The following MAGI2 variants were observed in gnomAD, a reference collection of about 807,000 sequenced individuals.
MAGI2 encodes membrane associated guanylate kinase, WW and PDZ domain containing 2.
A neutral mutation model predicts 133.3 loss-of-function variants in MAGI2; 35 were observed. The ratio of observed to expected loss-of-function variants is 0.26; its 90% CI spans 0.20 to 0.35. The LOEUF is 0.35. MAGI2 is among the 10% of genes least tolerant of loss of function. The pLI is 1.00. For synonymous variants in MAGI2, 729 were observed against 710.6 expected (o/e 1.03, Z -0.41); for missense variants, 1,636 against 1,863.4 (o/e 0.88, Z 2.25).
At chr7:79,025,084 C>T (rs1809742357) in intron 1 of MAGI2, among the ~76,000 whole-genome samples, 1 of 152,044 alleles carries the variant, frequency 6.6e-6, no homozygotes, top group Admixed American at 6.6e-5. Flanking sequence ...TTCACAATAG[C>T]AAAGACATGG....
At chr7:79,359,692 A>G (rs1242129002) in intron 1 of MAGI2, among the ~76,000 whole-genome samples, 1 of 151,544 alleles carries the variant, frequency 6.6e-6, no homozygotes, top group Non-Finnish European at 1.5e-5. Context: ...ACACACACAC[A>G]CACACACACA....
chr7:79,077,198 C>T (rs960848504), intron 1 of MAGI2, among the ~76,000 whole-genome samples: 8 of 152,116 alleles, frequency 5.3e-5, no homozygotes, highest in African/African-American at 1.9e-4. Flanking sequence ...GTTCCTATTT[C>T]CTAGCCCCCA....
At chr7:79,008,417 T>C (rs1807690155) in intron 1 of MAGI2, among the ~76,000 whole-genome samples, 1 of 152,156 alleles carries the variant, frequency 6.6e-6, no homozygotes, top group South Asian at 2.1e-4. Context: ...ATCATTTCAG[T>C]TGCCTCCTAA....
intron 2 of MAGI2, among the ~76,000 whole-genome samples, chr7:78,765,824 G>C (rs780675661): frequency 6.6e-6 from 1 of 152,026 alleles, no homozygotes; most frequent in Non-Finnish European, 1.5e-5. Context: ...CAAAACACCC[G>C]AGAAGTGTAA....
chr7:78,038,834 A>G (rs1378846210), intron 21 of MAGI2, among the ~76,000 whole-genome samples: 1 of 152,244 alleles, frequency 6.6e-6, no homozygotes, highest in Non-Finnish European at 1.5e-5. Context: ...AAACCCTCAC[A>G]GTGCCTGTTG....
chr7:78,946,302 T>C (rs1480919563), intron 2 of MAGI2, among the ~76,000 whole-genome samples: 1 of 152,200 alleles, frequency 6.6e-6, no homozygotes, highest in Non-Finnish European at 1.5e-5. Context: ...ATAGTTAATA[T>C]GATTGTCATT....
intron 2 of MAGI2, among the ~76,000 whole-genome samples, chr7:78,699,493 C>T (rs1388489418): frequency 6.6e-6 from 1 of 152,120 alleles, no homozygotes; most frequent in East Asian, 1.9e-4. Context: ...CAAATAAATT[C>T]CATGTTTAGA....
chr7:78,432,541 A>C (rs1799895966), intron 6 of MAGI2, among the ~76,000 whole-genome samples: 1 of 123,324 alleles, frequency 8.1e-6, no homozygotes, highest in Non-Finnish European at 1.9e-5. Context: ...TTTGTGTGAT[A>C]ATTATGCCTT....
At chr7:79,299,541 C>A (rs1375488664) in intron 1 of MAGI2, among the ~76,000 whole-genome samples, 7 of 58,902 alleles carry the variant, frequency 1.2e-4, no homozygotes, top group African/African-American at 4.0e-4. Flanking sequence ...GGAGACAGAG[C>A]AAGACTCCAT....
intron 1 of MAGI2, among the ~76,000 whole-genome samples, chr7:79,188,515 C>G (rs1352525644): frequency 2.6e-5 from 4 of 151,890 alleles, no homozygotes; most frequent in Admixed American, 2.0e-4. Context: ...TTTTCCTTAT[C>G]CAGTCTATCA....
At chr7:78,061,558 G>T (rs939330310) in intron 21 of MAGI2, among the ~76,000 whole-genome samples, 1 of 152,058 alleles carries the variant, frequency 6.6e-6, no homozygotes, top group African/African-American at 2.4e-5. Flanking sequence ...GGGAGGGAAG[G>T]TCATGAATAC....
chr7:78,128,289 C>T (rs1250441939), intron 18 of MAGI2, among the ~76,000 whole-genome samples: 1 of 152,112 alleles, frequency 6.6e-6, no homozygotes, highest in Non-Finnish European at 1.5e-5. Flanking sequence ...CAATCCCTAC[C>T]ATTATGGGAT....
intron 21 of MAGI2, among the ~76,000 whole-genome samples, chr7:78,063,532 G>A (rs1399074436): frequency 5.9e-5 from 9 of 152,240 alleles, no homozygotes; most frequent in East Asian, 1.9e-4. Flanking sequence ...GTGAGCCACC[G>A]TGCCCAGCCA....
intron 2 of MAGI2, among the ~76,000 whole-genome samples, chr7:78,890,128 G>T (rs1295394182): frequency 2.0e-5 from 3 of 152,158 alleles, no homozygotes; most frequent in Non-Finnish European, 4.4e-5. Flanking sequence ...AAGAGACAAA[G>T]AAGGCCATTA....
intron 1 of MAGI2, among the ~76,000 whole-genome samples, chr7:79,018,077 T>C (rs1808917968): frequency 6.6e-6 from 1 of 151,846 alleles, no homozygotes; most frequent in South Asian, 2.1e-4. Context: ...ATTCAGAAAA[T>C]TTAGAGAACC....
chr7:78,412,469 T>G (rs1399909145), intron 6 of MAGI2, among the ~76,000 whole-genome samples: 1 of 152,096 alleles, frequency 6.6e-6, no homozygotes, highest in Non-Finnish European at 1.5e-5. Flanking sequence ...TGAGCTGTGC[T>G]ATGCAGAATG....
chr7:78,889,497 A>C (rs1350615134), intron 2 of MAGI2, among the ~76,000 whole-genome samples: 1 of 152,232 alleles, frequency 6.6e-6, no homozygotes, highest in East Asian at 1.9e-4. Flanking sequence ...GGTTACCCAC[A>C]AATGGAAGCC....
chr7:79,226,491 C>T (rs1286804585), intron 1 of MAGI2, among the ~76,000 whole-genome samples: 1 of 152,056 alleles, frequency 6.6e-6, no homozygotes, highest in Non-Finnish European at 1.5e-5. Flanking sequence ...TAAAAACTGG[C>T]TTCTAACATG....
At chr7:78,734,529 G>A (rs1821666754) in intron 2 of MAGI2, among the ~76,000 whole-genome samples, 2 of 152,210 alleles carry the variant, frequency 1.3e-5, no homozygotes, top group Non-Finnish European at 2.9e-5. Flanking sequence ...TCATTCCTTT[G>A]TCAAGTGAAT....
Sources: gnomAD v4.1 joint callset for allele counts (sites outside exome capture counted in the v4.1 genomes callset) on GRCh38, gnomAD v4.1.1 for gene constraint, MANE v1.5 for transcripts, NCBI Gene and HGNC (gene_info 2026-07-23, HGNC 2026-07-21) for gene names.